RHOU: variants seen among roughly 807,000 people sequenced by gnomAD.
RHOU encodes ras homolog family member U.
RHOU carries 8 observed loss-of-function variants against 12.6 expected under a neutral mutation model. The ratio of observed to expected loss-of-function variants is 0.64; its 90% CI spans 0.37 to 1.15. The LOEUF is 1.15. Ranked by LOEUF, RHOU falls within the 50% of genes most tolerant of loss-of-function variation. RHOU has a pLI of 0.01. For synonymous variants in RHOU, 161 were observed against 147.4 expected, an observed-to-expected ratio of 1.09 and a Z score of -0.67; for missense variants, 258 against 347.0, an observed-to-expected ratio of 0.74 and a Z score of 2.04.
At chr1:228,659,362 G>T in the RHOU span, among the ~76,000 whole-genome samples, 57 of 151,974 alleles carry the variant, frequency 3.8e-4, no homozygotes, top group African/African-American at 1.3e-3. Flanking sequence ...TGGGCAACAA[G>T]AGTGAAACTC....
At chr1:228,670,125 G>A in the RHOU span, among the ~76,000 whole-genome samples, 1 of 152,214 alleles carries the variant, frequency 6.6e-6, no homozygotes, top group Non-Finnish European at 1.5e-5. Context: ...ACTGGTAAGA[G>A]CAGTAAAGAG....
chr1:228,676,138 C>G, the RHOU span, among the ~76,000 whole-genome samples: 18 of 150,940 alleles, frequency 1.2e-4, no homozygotes, highest in African/African-American at 3.9e-4. Context: ...ACCGCCCCCC[C>G]CCTTTTTTTT....
chr1:228,661,285 C>T, the RHOU span, among the ~76,000 whole-genome samples: 2 of 152,104 alleles, frequency 1.3e-5, no homozygotes, highest in Non-Finnish European at 2.9e-5. Context: ...GATTCAATGC[C>T]ATCCCCATCA....
chr1:228,683,881 G>A, the RHOU span, among the ~76,000 whole-genome samples: 1 of 152,218 alleles, frequency 6.6e-6, no homozygotes, highest in Non-Finnish European at 1.5e-5. Flanking sequence ...GGGAGGGAGA[G>A]GGGTCAGGGT....
chr1:228,697,736 C>T, the RHOU span, among the ~76,000 whole-genome samples: 1 of 152,136 alleles, frequency 6.6e-6, no homozygotes, highest in Non-Finnish European at 1.5e-5. Context: ...TTGAAATGTG[C>T]TCCCTGATTT....
At chr1:228,672,925 C>T in the RHOU span, among the ~76,000 whole-genome samples, 1 of 152,170 alleles carries the variant, frequency 6.6e-6, no homozygotes, top group Non-Finnish European at 1.5e-5. Flanking sequence ...GTAGCAGCAG[C>T]CCGATTTCCA....
At chr1:228,678,256 T>G in the RHOU span, among the ~76,000 whole-genome samples, 5 of 152,070 alleles carry the variant, frequency 3.3e-5, no homozygotes, top group Non-Finnish European at 7.4e-5. Flanking sequence ...AGTTATGAAA[T>G]GATGATAGAT....
the RHOU span, among the ~76,000 whole-genome samples, chr1:228,707,128 A>ATATATATATATATG: frequency 5.1e-3 from 346 of 67,536 alleles, 8 homozygotes; most frequent in African/African-American, 0.036. Flanking sequence ...ATATATATAC[A>ATATATATATATATG]TATATATATA....
the RHOU span, among the ~76,000 whole-genome samples, chr1:228,696,108 A>G: frequency 6.6e-6 from 1 of 152,258 alleles, no homozygotes; most frequent in South Asian, 2.1e-4. Flanking sequence ...AATAGAGAGT[A>G]AAGAAAGCCT....
the RHOU span, among the ~76,000 whole-genome samples, chr1:228,661,204 G>A: frequency 2.0e-5 from 3 of 152,086 alleles, no homozygotes; most frequent in South Asian, 2.1e-4. Flanking sequence ...ACAAATGGAA[G>A]AACATTCCAT....
the RHOU span, among the ~76,000 whole-genome samples, chr1:228,670,797 C>T: frequency 6.6e-6 from 1 of 152,146 alleles, no homozygotes; most frequent in African/African-American, 2.4e-5. Flanking sequence ...AGTGAGTTCT[C>T]ACAAGCTCTG....
the RHOU span, among the ~76,000 whole-genome samples, chr1:228,654,169 G>A: frequency 6.6e-6 from 1 of 151,722 alleles, no homozygotes; most frequent in African/African-American, 2.4e-5. Flanking sequence ...GAGTACAGTG[G>A]CCCAATCAGC....
chr1:228,715,272 A>G, the RHOU span, among the ~76,000 whole-genome samples: 1 of 152,206 alleles, frequency 6.6e-6, no homozygotes, highest in African/African-American at 2.4e-5. Flanking sequence ...GCTTTAAATA[A>G]TCATATTTCA....
chr1:228,727,479 T>G, the RHOU span, among the ~76,000 whole-genome samples: 5 of 152,058 alleles, frequency 3.3e-5, no homozygotes, highest in Non-Finnish European at 7.4e-5. Context: ...CCAGCTAATT[T>G]TTGTATTTTT....
chr1:228,741,857 C>G (rs1276712874), intron 2 of RHOU, among the ~76,000 whole-genome samples: 1 of 152,174 alleles, frequency 6.6e-6, no homozygotes, highest in Non-Finnish European at 1.5e-5. Context: ...AAGTGACATT[C>G]TGAAATACCA....
chr1:228,687,775 C>T, the RHOU span: 162 of 1,360,858 alleles, frequency 1.2e-4, no homozygotes, highest in Middle Eastern at 2.5e-4. Flanking sequence ...TCTGGCTCGG[C>T]GGAATACCTC....
At chr1:228,707,378 C>A in the RHOU span, among the ~76,000 whole-genome samples, 1 of 146,990 alleles carries the variant, frequency 6.8e-6, no homozygotes, top group Non-Finnish European at 1.5e-5. Context: ...CCAGCGTGAG[C>A]GACACAGAAG....
the RHOU span, among the ~76,000 whole-genome samples, chr1:228,655,859 G>T: frequency 6.6e-6 from 1 of 152,226 alleles, no homozygotes; most frequent in African/African-American, 2.4e-5. Context: ...GCCACAAAGA[G>T]AGGGTTCTCA....
chr1:228,738,120 G>A lies in RHOU; in HGVS notation c.321+389G>A, dbSNP rs1247411591. Among the ~76,000 whole-genome samples, 2 of 152,208 alleles carry A rather than the reference G, an allele frequency of 1.3e-5. No homozygotes were observed. The highest frequency in any genetic ancestry group is 4.8e-5 in the African/African-American group (2 of 41,440). ...TAATCGTTTTATTAAAGGCCAGTGA[G>A]TCAGATATTGAAGAAATTTGCTCAA... On this transcript the variant is annotated intron_variant, in intron 2 of 2. Coordinates refer to ENST00000366691, the MANE Select transcript of RHOU (RefSeq NM_021205.6). The surrounding 1 kb of genome is among the most constrained non-coding windows in gnomAD (Gnocchi z 4.2).
Sources: gnomAD v4.1 joint callset for allele counts (sites outside exome capture counted in the v4.1 genomes callset) on GRCh38, gnomAD v4.1.1 for gene constraint, Gnocchi (gnomAD v3.1) non-coding constraint, MANE v1.5 for transcripts, NCBI Gene and HGNC (gene_info 2026-07-23, HGNC 2026-07-21) for gene names.